Variants in LRRC37A2 observed in about 807,000 individuals in gnomAD.
LRRC37A2 encodes the protein leucine rich repeat containing 37 member A2.
Under a neutral mutation model 68.8 loss-of-function variants are expected in LRRC37A2, and 9 were observed. The observed-to-expected ratio is 0.13, with a 90% CI of 0.08 to 0.23. The LOEUF (loss-of-function observed/expected upper bound fraction) is 0.23. LRRC37A2 is among the 10% of genes least tolerant of loss of function. LRRC37A2 has a pLI of 1.00. For missense variants in LRRC37A2, 168 were observed against 950.4 expected, an observed-to-expected ratio of 0.18 and a Z score of 10.82; for synonymous variants, 63 against 367.6, an observed-to-expected ratio of 0.17 and a Z score of 9.48.
At chr17:46,881,646 G>C in the LRRC37A2 span, among the ~76,000 whole-genome samples, 1 of 152,034 alleles carries the variant, frequency 6.6e-6, no homozygotes, top group Non-Finnish European at 1.5e-5. Context: ...AAACAGGCCC[G>C]CAGACCCCTC....
At chr17:46,537,098 T>A (rs1461708745) in intron 6 of LRRC37A2, among the ~76,000 whole-genome samples, 3 of 68,394 alleles carry the variant, frequency 4.4e-5, no homozygotes, top group African/African-American at 2.2e-4. Context: ...TTTTTTTTTT[T>A]TTTTTTTTGC....
chr17:46,793,604 A>C, the LRRC37A2 span, among the ~76,000 whole-genome samples: 1 of 152,200 alleles, frequency 6.6e-6, no homozygotes, highest in African/African-American at 2.4e-5. Context: ...TGTGTGAGAC[A>C]GGACAAAGAA....
At chr17:46,869,810 C>T in the LRRC37A2 span, among the ~76,000 whole-genome samples, 1 of 151,970 alleles carries the variant, frequency 6.6e-6, no homozygotes, top group East Asian at 1.9e-4. Context: ...ACCAGCCTGG[C>T]TAACATGGTG....
At chr17:46,473,885 G>C in the LRRC37A2 span, among the ~76,000 whole-genome samples, 1 of 103,416 alleles carries the variant, frequency 9.7e-6, no homozygotes, top group Admixed American at 9.4e-5. Context: ...AGCAGAGCAA[G>C]ACTTCATCTC....
chr17:46,965,797 ATT>A, the LRRC37A2 span, among the ~76,000 whole-genome samples: 21 of 137,624 alleles, frequency 1.5e-4, no homozygotes, highest in South Asian at 7.0e-4. Flanking sequence ...TAATTTTTGT[ATT>A]TTTTTTTTTT....
chr17:46,817,705 G>A, the LRRC37A2 span, among the ~76,000 whole-genome samples: 772 of 151,214 alleles, frequency 5.1e-3, 10 homozygotes, highest in African/African-American at 0.018. Flanking sequence ...CATTTCTCAG[G>A]GACGGAATTC....
chr17:46,860,691 T>C, the LRRC37A2 span, among the ~76,000 whole-genome samples: 4 of 152,236 alleles, frequency 2.6e-5, no homozygotes, highest in Non-Finnish European at 5.9e-5. Flanking sequence ...GAGTCTTTGG[T>C]GGTGACATCT....
At chr17:47,036,658 G>A in the LRRC37A2 span, among the ~76,000 whole-genome samples, 310 of 150,308 alleles carry the variant, frequency 2.1e-3, 1 homozygote, top group African/African-American at 7.3e-3. Flanking sequence ...ATAAATGTGA[G>A]GGTTTATTTC....
the LRRC37A2 span, among the ~76,000 whole-genome samples, chr17:46,912,290 C>T: frequency 1.3e-5 from 2 of 152,174 alleles, no homozygotes; most frequent in Non-Finnish European, 2.9e-5. Context: ...AATCATTTAG[C>T]AAGAGAAAAA....
At chr17:46,925,331 C>T in the LRRC37A2 span, among the ~76,000 whole-genome samples, 21 of 152,284 alleles carry the variant, frequency 1.4e-4, no homozygotes, top group South Asian at 1.5e-3. Context: ...TCTGCTACCC[C>T]GACACTCATT....
chr17:46,585,192 G>C, the LRRC37A2 span, among the ~76,000 whole-genome samples: 90,394 of 142,138 alleles, frequency 0.64, 30,912 homozygotes, highest in Middle Eastern at 0.82. Flanking sequence ...TGGTGCGTGC[G>C]TGTAAATCTC....
chr17:46,911,292 A>T, the LRRC37A2 span, among the ~76,000 whole-genome samples: 5 of 152,248 alleles, frequency 3.3e-5, no homozygotes, highest in Non-Finnish European at 7.3e-5. Flanking sequence ...TCTTTCTACT[A>T]TCCCACATCT....
At chr17:46,948,939 A>T in the LRRC37A2 span, 2 of 152,236 alleles carry the variant, frequency 1.3e-5, no homozygotes. Context: ...CATTCTTTCG[A>T]TAGCTACGAA....
the LRRC37A2 span, chr17:46,769,760 T>C: frequency 1.9e-6 from 3 of 1,607,136 alleles, no homozygotes; most frequent in Non-Finnish European, 2.5e-6. Flanking sequence ...CCTGAAGGGT[T>C]TGGGGAGGGT....
the LRRC37A2 span, among the ~76,000 whole-genome samples, chr17:46,826,610 C>G: frequency 5.4e-3 from 817 of 152,314 alleles, 11 homozygotes; most frequent in African/African-American, 0.019. Context: ...AGCATATTAT[C>G]TAACCTCTCT....
the LRRC37A2 span, among the ~76,000 whole-genome samples, chr17:47,001,642 C>T: frequency 1.3e-5 from 2 of 151,784 alleles, no homozygotes; most frequent in Admixed American, 6.6e-5. Context: ...CTTGGTGATC[C>T]TGCTTCCTGC....
chr17:46,974,509 T>C, the LRRC37A2 span, among the ~76,000 whole-genome samples: 4 of 151,632 alleles, frequency 2.6e-5, no homozygotes, highest in Non-Finnish European at 4.4e-5. Flanking sequence ...CCGAGGCGGG[T>C]GGATCACAAG....
At chr17:46,903,955 G>A in the LRRC37A2 span, among the ~76,000 whole-genome samples, 135 of 151,976 alleles carry the variant, frequency 8.9e-4, 1 homozygote, top group Middle Eastern at 6.8e-3. Context: ...TGGATGAAAG[G>A]GTTGGATGTG....
chr17:46,539,768 C>CAAAAAAAAAAAAAAAAA (rs1204528686), intron 6 of LRRC37A2, among the ~76,000 whole-genome samples: 2 of 67,034 alleles, frequency 3.0e-5, no homozygotes, highest in Non-Finnish European at 5.4e-5. Context: ...GACTCCATCT[C>CAAAAAAAAAAAAAAAAA]AAAAAAAAAA....
Sources: gnomAD v4.1 joint callset for allele counts (sites outside exome capture counted in the v4.1 genomes callset) on GRCh38, gnomAD v4.1.1 for gene constraint, MANE v1.5 for transcripts, NCBI Gene and HGNC (gene_info 2026-07-23, HGNC 2026-07-21) for gene names.